The following NBAS variants were observed in gnomAD, a reference collection of about 807,000 sequenced individuals.
The protein encoded by NBAS is NAG/BC035112 fusion.
A neutral mutation model predicts 302.5 loss-of-function variants in NBAS; 219 were observed. The observed-to-expected ratio is 0.72, with a 90% CI of 0.65 to 0.81. The LOEUF (loss-of-function observed/expected upper bound fraction) is 0.81. NBAS is among the 30% of genes least tolerant of loss of function. The pLI is 0.00. For missense variants in NBAS, 2,932 were observed against 2,841.6 expected, an observed-to-expected ratio of 1.03 and a Z score of -0.72; for synonymous variants, 1,118 against 1,021.6, an observed-to-expected ratio of 1.09 and a Z score of -1.80.
intron 11 of NBAS, among the ~76,000 whole-genome samples, chr2:15,503,244 G>A (rs997767069): frequency 6.6e-6 from 1 of 151,646 alleles, no homozygotes; most frequent in African/African-American, 2.4e-5. Context: ...TTTTTTTTTA[G>A]TAAGTAGAAG....
chr2:15,444,674 A>C (rs1225651080), intron 21 of NBAS, among the ~76,000 whole-genome samples: 1 of 151,958 alleles, frequency 6.6e-6, no homozygotes, highest in African/African-American at 2.4e-5. Flanking sequence ...TAAACTAAAG[A>C]GCTTCTGCAC....
At chr2:15,510,263 G>A (rs1385418034) in intron 10 of NBAS, among the ~76,000 whole-genome samples, 1 of 152,174 alleles carries the variant, frequency 6.6e-6, no homozygotes, top group Admixed American at 6.5e-5. Context: ...ACATCTTTCT[G>A]GACACATAGA....
chr2:15,299,282 A>G lies in NBAS; in HGVS notation c.4798-6516T>C, dbSNP rs73917928. On this transcript the variant is annotated intron_variant, in intron 40 of 51. Transcript: ENST00000281513. ...TTGATTTTCCCCTCAAAACTTGGCA[A>G]TGCAGTTCTTCAGGGAGGTGAATAA... Among the ~76,000 whole-genome samples, 1,271 of 152,368 alleles carry G rather than the reference A, an allele frequency of 8.3e-3. 22 individuals are homozygous for G. Among genetic ancestry groups the G allele is most frequent in the African/African-American group, 0.029 (1,212 of 41,584 alleles).
intron 46 of NBAS, 46 bp from the exon 47 acceptor site, chr2:15,232,557 C>T: frequency 6.4e-7 from 1 of 1,573,552 alleles, no homozygotes; most frequent in Non-Finnish European, 8.7e-7. Flanking sequence ...TCACTCAAGT[C>T]TCAGAAATAA....
At chr2:15,333,265 C>A (rs1050867188) in intron 35 of NBAS, among the ~76,000 whole-genome samples, 1 of 152,022 alleles carries the variant, frequency 6.6e-6, no homozygotes, top group East Asian at 1.9e-4. Flanking sequence ...TTCTGAAACA[C>A]GGCAAAATAG....
chr2:14,968,861 C>T, the NBAS span, among the ~76,000 whole-genome samples: 1 of 152,018 alleles, frequency 6.6e-6, no homozygotes, highest in Admixed American at 6.5e-5. Context: ...CAAAGAAAAA[C>T]AAAAATGGAC....
At chr2:15,450,050 T>G (rs75393092) in intron 21 of NBAS, among the ~76,000 whole-genome samples, 1,936 of 152,284 alleles carry the variant, frequency 0.013, 31 homozygotes, top group East Asian at 0.059. Flanking sequence ...TATTTCATCA[T>G]CCAGCCTACA....
At chr2:14,826,144 G>T in the NBAS span, among the ~76,000 whole-genome samples, 1 of 152,172 alleles carries the variant, frequency 6.6e-6, no homozygotes, top group Non-Finnish European at 1.5e-5. Context: ...GAACTAATGA[G>T]AAACAAGTTC....
chr2:15,093,281 T>C, the NBAS span, among the ~76,000 whole-genome samples: 1 of 152,114 alleles, frequency 6.6e-6, no homozygotes, highest in Non-Finnish European at 1.5e-5. Flanking sequence ...TGGGTTGTGG[T>C]GGCACGTGCC....
At chr2:14,866,653 G>A in the NBAS span, among the ~76,000 whole-genome samples, 1 of 152,084 alleles carries the variant, frequency 6.6e-6, no homozygotes. Context: ...CTCACTCCAT[G>A]TAATCATGTA....
At chr2:15,255,840 G>C (rs1257262792) in intron 44 of NBAS, among the ~76,000 whole-genome samples, 1 of 152,072 alleles carries the variant, frequency 6.6e-6, no homozygotes, top group Admixed American at 6.6e-5. Context: ...TGTTTGCTTT[G>C]TCAAAGATCA....
At chr2:15,237,186 AT>A (rs1210061673) in intron 45 of NBAS, among the ~76,000 whole-genome samples, 1 of 152,168 alleles carries the variant, frequency 6.6e-6, no homozygotes, top group African/African-American at 2.4e-5. Flanking sequence ...TTATTTATTG[AT>A]TTGTCAACTT....
At chr2:15,448,184 A>G (rs965475811) in intron 21 of NBAS, among the ~76,000 whole-genome samples, 1 of 152,182 alleles carries the variant, frequency 6.6e-6, no homozygotes, top group Admixed American at 6.5e-5. Context: ...ATAATTTTCT[A>G]TTTTGTTAAT....
At chr2:15,477,478 C>A (rs1428792632) in intron 13 of NBAS, among the ~76,000 whole-genome samples, 1 of 152,174 alleles carries the variant, frequency 6.6e-6, no homozygotes, top group Non-Finnish European at 1.5e-5. Context: ...CCAGGCTGGT[C>A]TTGAACTCCC....
chr2:15,299,488 G>A (rs1198639162), intron 40 of NBAS, among the ~76,000 whole-genome samples: 1 of 152,048 alleles, frequency 6.6e-6, no homozygotes, highest in East Asian at 1.9e-4. Flanking sequence ...TTAAACAGGT[G>A]GTGTGTTTCC....
intron 35 of NBAS, among the ~76,000 whole-genome samples, chr2:15,341,901 T>C (rs1413997957): frequency 1.3e-5 from 2 of 152,164 alleles, no homozygotes; most frequent in Middle Eastern, 3.2e-3. Context: ...CTGAATTGTG[T>C]TGGCACTGTG....
chr2:15,509,126 C>T (rs754154018), intron 10 of NBAS, among the ~76,000 whole-genome samples: 6 of 152,096 alleles, frequency 3.9e-5, no homozygotes, highest in Admixed American at 6.5e-5. Flanking sequence ...CTAATATGTA[C>T]GAGTAACTTC....
chr2:15,148,574 C>T, the NBAS span, among the ~76,000 whole-genome samples: 27 of 151,964 alleles, frequency 1.8e-4, no homozygotes, highest in Non-Finnish European at 3.2e-4. Context: ...GCCGCCCTAA[C>T]AAAACAAAAA....
the NBAS span, among the ~76,000 whole-genome samples, chr2:15,010,349 G>A: frequency 6.6e-6 from 1 of 152,194 alleles, no homozygotes; most frequent in Non-Finnish European, 1.5e-5. Context: ...GGGAACTTCT[G>A]TCCCAGAGGA....
Sources: allele counts gnomAD v4.1 joint callset (sites outside exome capture counted in the v4.1 genomes callset), GRCh38; gene constraint gnomAD v4.1.1; transcripts MANE v1.5; gene names NCBI Gene and HGNC (gene_info 2026-07-23, HGNC 2026-07-21).